Variants in SLC22A11 observed in about 807,000 individuals in gnomAD.
The protein encoded by SLC22A11 is organic anion transporter 4.
A neutral mutation model predicts 49.4 loss-of-function variants in SLC22A11; 42 were observed. The ratio of observed to expected loss-of-function variants is 0.85; its 90% confidence interval spans 0.66 to 1.10. The LOEUF (loss-of-function observed/expected upper bound fraction) is 1.10. SLC22A11 is among the 50% of genes least tolerant of loss of function. The pLI is 0.00. For missense variants in SLC22A11, 685 were observed against 731.6 expected (o/e 0.94, Z 0.74); for synonymous variants, 304 against 315.8 (o/e 0.96, Z 0.40).
chr11:64,569,189 C>A (rs1345878628), intron 8 of SLC22A11, among the ~76,000 whole-genome samples: 1 of 152,142 alleles, frequency 6.6e-6, no homozygotes, highest in Admixed American at 6.5e-5. Context: ...GAGTCTAGGC[C>A]ACCCCCACAT....
At chr11:64,568,139 C>G (rs1318517391) in intron 7 of SLC22A11, among the ~76,000 whole-genome samples, 1 of 152,246 alleles carries the variant, frequency 6.6e-6, no homozygotes, top group Non-Finnish European at 1.5e-5. Context: ...AGAGCCCAAG[C>G]TCTGAGCGCG....
Position 64,562,137 on chromosome 11 carries a change from T to C in SLC22A11, c.631T>C (p.Phe211Leu), listed in dbSNP as rs2038555934. 1 of 1,613,786 alleles carries C rather than the reference T, an allele frequency of 6.2e-7. No individual in the cohort carries two copies. Among genetic ancestry groups the C allele is most frequent in the Middle Eastern group, 1.6e-4 (1 of 6,062 alleles). The change falls in exon 3 of 10, where the codon TTT becomes CTT. Residue 211 changes from phenylalanine to leucine, a missense_variant. Phe to Leu is a conservative substitution (Grantham distance 22). Transcript: ENST00000301891. The surrounding 1 kb of genome is among the most constrained non-coding windows in gnomAD (Gnocchi z 4.4). ...GGCCGCTTTTGGGATGGCCGGCATC[T>C]TTCTGAGTTCACTGACACTGAGTGA... Reference protein sequence around the residue: ...FVAAFGMAGIFLSSLTLMVEW... With the variant: ...FVAAFGMAGILLSSLTLMVEW...
At chr11:64,556,909 G>A (rs570581847) in intron 1 of SLC22A11, among the ~76,000 whole-genome samples, 1 of 152,166 alleles carries the variant, frequency 6.6e-6, no homozygotes, top group Non-Finnish European at 1.5e-5. Flanking sequence ...AGCGCCAGAT[G>A]GGCCCAGGAG....
rs1216121465 is a variant in SLC22A11 at position 64,564,787 on chromosome 11, CATT to C, written c.942+362_942+364del. 6.6e-6 allele frequency among the ~76,000 whole-genome samples: 1 copy of C among 152,176 alleles called. No individual in the cohort carries two copies. The highest frequency in any genetic ancestry group is 1.5e-5 in the Non-Finnish European group (1 of 68,030). On this transcript the variant is annotated intron_variant, in intron 5 of 9. Coordinates refer to ENST00000301891, the MANE Select transcript of SLC22A11 (RefSeq NM_018484.4). This position sits in a 1 kb window ranked among gnomAD's most constrained non-coding sequence, Gnocchi z 4.2. ...TCGTCACCATCGGTAACAGCACCATCATTATCAACAGCACCCACACCGTCACCT... is the reference window on the plus strand; with the variant it reads ...TCGTCACCATCGGTAACAGCACCATCATCAACAGCACCCACACCGTCACCT...
rs72559736 is a variant in SLC22A11, at chr11:64,556,035, C to G, written c.36C>G (p.Gly12=). The change falls in exon 1 of 10, where the codon GGC becomes GGG. Residue 12 remains glycine (G), a synonymous_variant. Coordinates refer to ENST00000301891, the MANE Select transcript of SLC22A11 (RefSeq NM_018484.4). The stretch of plus-strand genomic sequence containing the variant: ...CGAAGCTCTTGGAGCAAGCCGGAGG[C>G]GTGGGCCTCTTCCAGACCCTGCAGG... The part of the protein sequence containing the change: ...AFSKLLEQAG[G]VGLFQTLQVL... 6.2e-7 allele frequency: 1 copy of G among 1,612,884 alleles called. No homozygotes were observed. The highest frequency in any genetic ancestry group is 8.5e-7 in the Non-Finnish European group (1 of 1,179,962).
chr11:64,561,895 G>A, intron 2 of SLC22A11, 109 bp from the exon 3 acceptor site: 1 of 1,331,308 alleles, frequency 7.5e-7, no homozygotes, highest in Non-Finnish European at 1.0e-6. Context: ...GGAGCTGGCT[G>A]CAAGAGATCC....
chr11:64,560,167 C>A (rs2038523258), intron 2 of SLC22A11, among the ~76,000 whole-genome samples: 2 of 151,944 alleles, frequency 1.3e-5, no homozygotes, highest in South Asian at 4.2e-4. Flanking sequence ...TTCCTCACCC[C>A]CACACTCACC....
chr11:64,561,987 C>T lies in SLC22A11; in HGVS notation c.498-17C>T. On this transcript the variant is annotated splice_polypyrimidine_tract_variant and intron_variant, in intron 2 of 9. Coordinates refer to ENST00000301891, the MANE Select transcript of SLC22A11 (RefSeq NM_018484.4). ...GGGGCCCCTCTCCAGGCCCCGTGTG[C>T]TTCTCTCCTGTGACAGGTTTGGGAG... 2 of 1,605,948 alleles carry T rather than the reference C, an allele frequency of 1.2e-6. No individual in the cohort carries two copies. Among genetic ancestry groups the T allele is most frequent in the South Asian group, 2.2e-5 (2 of 90,318 alleles).
At position 64,562,183 on chromosome 11, in the gene SLC22A11, C is replaced by G; in HGVS notation, c.652+25C>G. The G allele has an allele frequency of 6.2e-7, 1 of 1,609,302 alleles. No homozygotes were observed. The highest frequency in any genetic ancestry group is 1.1e-5 in the South Asian group (1 of 90,796). On this transcript the variant is annotated intron_variant, in intron 3 of 9. Transcript: ENST00000301891. The surrounding 1 kb of genome is among the most constrained non-coding windows in gnomAD (Gnocchi z 4.4). Reference sequence around the variant, plus strand: ...AGTGAGTCCCCGGCTCAGCGCGCTCCTGCCATGGGGGCGGGGGTGGCAGGA... The same window carrying G: ...AGTGAGTCCCCGGCTCAGCGCGCTCGTGCCATGGGGGCGGGGGTGGCAGGA...
chr11:64,562,331 C>A lies in SLC22A11; in HGVS notation c.717C>A (p.Ser239Arg), dbSNP rs367925828. 138 of 1,611,290 alleles carry A rather than the reference C, an allele frequency of 8.6e-5. No individual in the cohort carries two copies. The highest frequency in any genetic ancestry group is 1.1e-4 in the Non-Finnish European group (135 of 1,178,854). The change falls in exon 4 of 10, where the codon AGC becomes AGA. Residue 239 changes from serine (S) to arginine (R), a missense_variant. Physicochemically the swap from Ser to Arg is moderately radical, Grantham distance 110. Coordinates refer to ENST00000301891, the MANE Select transcript of SLC22A11 (RefSeq NM_018484.4). This position sits in a 1 kb window ranked among gnomAD's most constrained non-coding sequence, Gnocchi z 4.4. Reference sequence around the variant, plus strand: ...TGACGGTGGTGGGATGTGCCTTCAGCGCAGGCCAGGCGGCGCTGGGCGGCC... The same window carrying A: ...TGACGGTGGTGGGATGTGCCTTCAGAGCAGGCCAGGCGGCGCTGGGCGGCC... ...VTMTVVGCAFSAGQAALGGLA... is the reference protein window; with the variant it reads ...VTMTVVGCAFRAGQAALGGLA...
intron 4 of SLC22A11, among the ~76,000 whole-genome samples, chr11:64,563,136 C>T (rs912465287): frequency 6.6e-6 from 1 of 152,052 alleles, no homozygotes; most frequent in African/African-American, 2.4e-5. Context: ...CCAGTGGCCC[C>T]GTGGAGCTTA....
chr11:64,561,411 G>A (rs1339464245), intron 2 of SLC22A11, among the ~76,000 whole-genome samples: 1 of 152,112 alleles, frequency 6.6e-6, no homozygotes. Context: ...ACAGAGCTGG[G>A]GCTCAAACCC....
Position 64,562,576 on chromosome 11 carries a change from G to T in SLC22A11, c.821+141G>T. 2 of 911,220 alleles carry T rather than the reference G, an allele frequency of 2.2e-6. No homozygotes were observed. The highest frequency in any genetic ancestry group is 1.6e-6 in the Non-Finnish European group (1 of 629,238). The allele number at this position is 911,220 out of a possible 1,614,324, so 56.4% of individuals were successfully genotyped here. On this transcript the variant is annotated intron_variant, in intron 4 of 9. Transcript: ENST00000301891. This position sits in a 1 kb window ranked among gnomAD's most constrained non-coding sequence, Gnocchi z 4.4. ...TGGCATGAGCGGCACCCTCGCTAGG[G>T]AGGGACATTGGTGATTGGCAGTCCT...
chr11:64,560,818 G>A (rs1489904651), intron 2 of SLC22A11, among the ~76,000 whole-genome samples: 2 of 152,320 alleles, frequency 1.3e-5, no homozygotes, highest in South Asian at 2.1e-4. Flanking sequence ...ATGGAGGACT[G>A]CCTTCCCACT....
rs922637580 is a variant in SLC22A11 at position 64,571,297 on chromosome 11, G to T, written c.*255G>T. 64 of 499,524 alleles carry T rather than the reference G, an allele frequency of 1.3e-4. No individual in the cohort carries two copies. In the South Asian group the frequency reaches 1.7e-3, roughly 14 times the overall value. The allele number at this position is 499,524 out of a possible 1,614,324, so 30.9% of individuals were successfully genotyped here. On this transcript the variant is annotated 3_prime_UTR_variant, in exon 10 of 10. Coordinates refer to ENST00000301891, the MANE Select transcript of SLC22A11 (RefSeq NM_018484.4). The stretch of plus-strand genomic sequence containing the variant: ...TACAGGAGCCTGTGCAGATGGCCAT[G>T]CCCAACCAATAACGAGACGGTTCCC...
At chr11:64,559,794 G>A (rs1014272306) in intron 2 of SLC22A11, among the ~76,000 whole-genome samples, 1 of 152,174 alleles carries the variant, frequency 6.6e-6, no homozygotes, top group African/African-American at 2.4e-5. Context: ...ACCTTGGAAC[G>A]TGAGGCCGGT....
At chr11:64,561,896 C>T (rs530767417) in intron 2 of SLC22A11, 108 bp from the exon 3 acceptor site, 47 of 1,341,692 alleles carry the variant, frequency 3.5e-5, no homozygotes, top group Admixed American at 1.2e-4. Context: ...GAGCTGGCTG[C>T]AAGAGATCCC....
At chr11:64,556,670 C>T (rs1464527893) in intron 1 of SLC22A11, among the ~76,000 whole-genome samples, 1 of 152,154 alleles carries the variant, frequency 6.6e-6, no homozygotes, top group Non-Finnish European at 1.5e-5. Flanking sequence ...CCCTACTGAC[C>T]CATTAGCCGT....
chr11:64,566,519 G>A (rs961917041), intron 6 of SLC22A11: 1 of 149,738 alleles, frequency 6.7e-6, no homozygotes, highest in Admixed American at 6.7e-5. Context: ...GGATTCCTCA[G>A]TTCTCCCAGG....
Sources: allele counts gnomAD v4.1 joint callset (sites outside exome capture counted in the v4.1 genomes callset), GRCh38; gene constraint gnomAD v4.1.1; non-coding constraint Gnocchi (gnomAD v3.1); transcripts MANE v1.5; gene names NCBI Gene and HGNC (gene_info 2026-07-23, HGNC 2026-07-21).